Variants in MID2 observed in about 807,000 individuals in gnomAD.
MID2 encodes the protein midline 2.
Under a neutral mutation model 46.1 loss-of-function variants are expected in MID2, and 13 were observed. The ratio of observed to expected loss-of-function variants is 0.28; its 90% CI spans 0.18 to 0.45. The LOEUF (loss-of-function observed/expected upper bound fraction) is 0.45, where lower values mean the gene tolerates loss of function less well. MID2 is among the 20% of genes least tolerant of loss of function. The pLI is 1.00. For synonymous variants in MID2, 199 were observed against 212.3 expected (o/e 0.94, Z 0.55); for missense variants, 431 against 575.4 (o/e 0.75, Z 2.57).
intron 1 of MID2, 84 bp from the exon 2 acceptor site, chrX:107,840,586 C>A: frequency 2.6e-6 from 2 of 759,634 alleles, no homozygotes; most frequent in Non-Finnish European, 3.9e-6. Flanking sequence ...AGCACGTAAA[C>A]GCGCCCATTG....
Position 107,840,999 on chromosome X carries a change from A to T in MID2, c.334A>T (p.Ser112Cys). The T allele has an allele frequency of 8.3e-7, 1 of 1,211,717 alleles. No homozygotes were observed. Among genetic ancestry groups the T allele is most frequent in the East Asian group, 3.0e-5 (1 of 33,853 alleles). The stretch of plus-strand genomic sequence containing the variant: ...TGATCGCTTCCAGAAGGCTTCAGTC[A>T]GTGGGCCCAATTCCCCTAGTGAGAG... Reference protein sequence around the residue: ...IIDRFQKASVSGPNSPSESRR... With the variant: ...IIDRFQKASVCGPNSPSESRR... Residue 112 changes from serine to cysteine, a missense_variant, in exon 2 of 10, where the codon AGT becomes TGT. By Grantham distance (112) the Ser-to-Cys change is moderately radical. Transcript: ENST00000262843.
chrX:107,902,657 G>A (rs1295067774), intron 3 of MID2, among the ~76,000 whole-genome samples: 1 of 111,756 alleles, frequency 8.9e-6, no homozygotes, highest in Non-Finnish European at 1.9e-5. Flanking sequence ...TGAGCTTCAA[G>A]TATGAGAGAG....
At chrX:107,843,826 G>C (rs1214915649) in intron 2 of MID2, among the ~76,000 whole-genome samples, 1 of 110,533 alleles carries the variant, frequency 9.0e-6, no homozygotes, top group African/African-American at 3.3e-5. Context: ...TACCCCCTTA[G>C]TCTGCTTGAT....
intron 2 of MID2, among the ~76,000 whole-genome samples, chrX:107,853,467 AT>A (rs1265483406): frequency 9.1e-6 from 1 of 109,529 alleles, no homozygotes; most frequent in East Asian, 2.9e-4. Flanking sequence ...GCCCAACTAA[AT>A]TTTGCATTTT....
At chrX:107,911,255 T>C (rs1456388451) in intron 5 of MID2, among the ~76,000 whole-genome samples, 1 of 111,600 alleles carries the variant, frequency 9.0e-6, no homozygotes, top group East Asian at 2.8e-4. Flanking sequence ...TTGTATTATT[T>C]GCTAATAATT....
intron 3 of MID2, among the ~76,000 whole-genome samples, chrX:107,874,743 T>G (rs1319504200): frequency 4.5e-5 from 5 of 111,668 alleles, no homozygotes; most frequent in African/African-American, 1.6e-4. Context: ...CAAGTATCCA[T>G]AGTCTGAAGA....
chrX:107,852,866 G>A (rs188595984), intron 2 of MID2, among the ~76,000 whole-genome samples: 351 of 111,446 alleles, frequency 3.1e-3, no homozygotes, highest in Non-Finnish European at 5.0e-3. Context: ...TCAAAAGCAC[G>A]AACTTTGAAC....
At chrX:107,899,878 T>G (rs913713365) in intron 3 of MID2, among the ~76,000 whole-genome samples, 8 of 112,016 alleles carry the variant, frequency 7.1e-5, no homozygotes, top group Non-Finnish European at 1.3e-4. Context: ...CCCAGTTATT[T>G]TCAATTAAGC....
At chrX:107,870,060 T>C (rs112817732) in intron 3 of MID2, among the ~76,000 whole-genome samples, 2,094 of 111,773 alleles carry the variant, frequency 0.019, 53 homozygotes, top group African/African-American at 0.064. Flanking sequence ...AATGCTGTTT[T>C]ATTTAGAATT....
At chrX:107,858,892 C>T (rs1033814983) in intron 3 of MID2, among the ~76,000 whole-genome samples, 3 of 112,054 alleles carry the variant, frequency 2.7e-5, no homozygotes, top group African/African-American at 9.7e-5. Flanking sequence ...TGGCTCTTCT[C>T]AATCCTTTTA....
chrX:107,912,300 T>A (rs1470415225), intron 5 of MID2, among the ~76,000 whole-genome samples: 3 of 112,154 alleles, frequency 2.7e-5, no homozygotes, highest in Non-Finnish European at 5.6e-5. Flanking sequence ...AAAGCAAAAA[T>A]AAAACATATA....
intron 3 of MID2, among the ~76,000 whole-genome samples, chrX:107,898,608 T>A (rs1446324144): frequency 8.9e-6 from 1 of 112,396 alleles, no homozygotes; most frequent in Non-Finnish European, 1.9e-5. Context: ...TCTACTAGAC[T>A]GTAAGTGCCT....
chrX:107,928,855 A>G lies in MID2; in HGVS notation c.*1782A>G, dbSNP rs890262363. ...AAAATATAAATCTAGCAGCAATGTC[A>G]TCTTTTTTGATTTTAAATACCATAT... On this transcript the variant is annotated 3_prime_UTR_variant, in exon 10 of 10. Coordinates refer to ENST00000262843, the MANE Select transcript of MID2 (RefSeq NM_012216.4). Among the ~76,000 whole-genome samples, 3 of 112,336 alleles carry G rather than the reference A, an allele frequency of 2.7e-5. No homozygotes were observed. Among genetic ancestry groups the G allele is most frequent in the Admixed American group, 9.4e-5 (1 of 10,591 alleles).
At chrX:107,891,032 G>A (rs1240021834) in intron 3 of MID2, among the ~76,000 whole-genome samples, 1 of 110,366 alleles carries the variant, frequency 9.1e-6, no homozygotes, top group Non-Finnish European at 1.9e-5. Context: ...CTTTGACTAG[G>A]AAAGGGAATT....
intron 1 of MID2, among the ~76,000 whole-genome samples, chrX:107,831,090 A>G (rs900914628): frequency 4.5e-5 from 5 of 111,173 alleles, no homozygotes; most frequent in Non-Finnish European, 3.8e-5. Flanking sequence ...ATTTTGAGTA[A>G]TGTGCCAGCA....
At chrX:107,926,590 G>T (rs1447999231) in intron 9 of MID2, 81 bp from the exon 10 acceptor site, 2 of 910,960 alleles carry the variant, frequency 2.2e-6, no homozygotes, top group Non-Finnish European at 3.1e-6. Flanking sequence ...TATCCTATTT[G>T]TTATATATCA....
chrX:107,837,325 T>A (rs1931229663), intron 1 of MID2, among the ~76,000 whole-genome samples: 1 of 111,714 alleles, frequency 9.0e-6, no homozygotes, highest in South Asian at 3.7e-4. Flanking sequence ...CTTTCAGCAA[T>A]ACATGTGACC....
chrX:107,834,098 A>AT (rs1241779542), intron 1 of MID2, among the ~76,000 whole-genome samples: 1 of 111,349 alleles, frequency 9.0e-6, no homozygotes, highest in Non-Finnish European at 1.9e-5. Context: ...CAGACCCATT[A>AT]TTTTTTATCT....
At chrX:107,861,756 G>A (rs1931859941) in intron 3 of MID2, among the ~76,000 whole-genome samples, 1 of 112,521 alleles carries the variant, frequency 8.9e-6, no homozygotes, top group East Asian at 2.8e-4. Flanking sequence ...CTCTGTTTGT[G>A]TATTATTCTG....
Sources: allele counts gnomAD v4.1 joint callset (sites outside exome capture counted in the v4.1 genomes callset), GRCh38; gene constraint gnomAD v4.1.1; transcripts MANE v1.5; gene names NCBI Gene and HGNC (gene_info 2026-07-23, HGNC 2026-07-21).